ELMOD1: variants seen among roughly 807,000 people sequenced by gnomAD.
ELMOD1 encodes ELMO domain containing 1, also known as ELMO domain-containing protein 1.
A neutral mutation model predicts 46.7 loss-of-function variants in ELMOD1; 21 were observed. The ratio of observed to expected loss-of-function variants is 0.45; its 90% CI spans 0.32 to 0.65. The LOEUF (loss-of-function observed/expected upper bound fraction) is 0.65. Ranked by LOEUF, ELMOD1 falls within the 30% of genes least tolerant of loss-of-function variation. The pLI, the probability that ELMOD1 is intolerant of heterozygous loss-of-function variation, is 0.04. For synonymous variants in ELMOD1, 122 were observed against 138.2 expected (o/e 0.88, Z 0.82); for missense variants, 348 against 407.8 (o/e 0.85, Z 1.26).
intron 11 of ELMOD1, among the ~76,000 whole-genome samples, chr11:107,660,756 A>G (rs1034600116): frequency 6.6e-6 from 1 of 152,232 alleles, no homozygotes; most frequent in African/African-American, 2.4e-5. Context: ...TAAGAATGCA[A>G]TGAGATGGTG....
intron 6 of ELMOD1, among the ~76,000 whole-genome samples, chr11:107,640,368 A>G (rs2135699074): frequency 6.6e-6 from 1 of 152,364 alleles, no homozygotes; most frequent in South Asian, 2.1e-4. Context: ...TACCATTAAT[A>G]TAAATGCATA....
In ELMOD1 at chr11:107,631,648, GA is replaced by G. The variant is rs1238092647; in HGVS notation, c.268del (p.Ile90LeufsTer5). The G allele has an allele frequency of 3.9e-6, 6 of 1,554,524 alleles. No homozygotes were observed. Among genetic ancestry groups the G allele is most frequent in the Admixed American group, 3.9e-5 (2 of 51,596 alleles). On this transcript the variant is annotated frameshift_variant, in exon 5 of 12. Transcript: ENST00000265840. LOFTEE classifies it high-confidence loss of function. ...EKTIEDIMEL[K>X]KINPDVNPQL... The stretch of plus-strand genomic sequence containing the variant: ...AAACTATAGAAGATATCATGGAACT[GA>G]AAAAAATTAATCCTGACGTAAATCC...
chr11:107,605,245 G>C (rs1865666340), intron 1 of ELMOD1, among the ~76,000 whole-genome samples: 1 of 149,932 alleles, frequency 6.7e-6, no homozygotes, highest in Admixed American at 6.7e-5. Flanking sequence ...AGTGTCCCAG[G>C]CTGGAGTGCA....
intron 1 of ELMOD1, among the ~76,000 whole-genome samples, chr11:107,611,359 A>G (rs1865777115): frequency 6.6e-6 from 1 of 152,206 alleles, no homozygotes; most frequent in Non-Finnish European, 1.5e-5. Context: ...ACCAGCATCT[A>G]TAAGGAACTT....
intron 11 of ELMOD1, among the ~76,000 whole-genome samples, chr11:107,663,163 TG>T (rs1402877399): frequency 1.3e-5 from 2 of 152,128 alleles, no homozygotes; most frequent in Admixed American, 6.5e-5. Context: ...AGATGGCTTC[TG>T]GGGTGACTGA....
intron 11 of ELMOD1, among the ~76,000 whole-genome samples, chr11:107,663,848 C>G (rs114058993): frequency 2.4e-3 from 363 of 152,290 alleles, no homozygotes; most frequent in African/African-American, 8.4e-3. Context: ...TCCTCCCCTT[C>G]CCCATTTTCA....
At chr11:107,616,709 C>T (rs917779814) in intron 1 of ELMOD1, among the ~76,000 whole-genome samples, 10 of 151,644 alleles carry the variant, frequency 6.6e-5, no homozygotes, top group Admixed American at 2.0e-4. Context: ...AGAGTGGCTA[C>T]GTCAATTATT....
At chr11:107,593,893 C>T (rs1011039417) in intron 1 of ELMOD1, among the ~76,000 whole-genome samples, 7 of 152,146 alleles carry the variant, frequency 4.6e-5, no homozygotes, top group African/African-American at 1.7e-4. Flanking sequence ...GAGCAGAAAT[C>T]ATATGCTGTT....
intron 5 of ELMOD1, among the ~76,000 whole-genome samples, chr11:107,633,791 T>C (rs1205622297): frequency 6.6e-6 from 1 of 152,088 alleles, no homozygotes; most frequent in Non-Finnish European, 1.5e-5. Flanking sequence ...TTCTCCTCTT[T>C]CCCTCAAAAT....
rs74827393 is a variant in ELMOD1, at chr11:107,615,883, A to G, written c.-85-2222A>G. Among the ~76,000 whole-genome samples the G allele has an allele frequency of 3.0e-4, 45 of 149,328 alleles. No individual in the cohort carries two copies. The East Asian group carries it at 7.7e-3, about 25-fold the overall frequency. ...TATATGTTTGGGGGAGTAAAGTGCCATTTTCATCATATCAGGTCAAGGTTA... is the reference window on the plus strand; with the variant it reads ...TATATGTTTGGGGGAGTAAAGTGCCGTTTTCATCATATCAGGTCAAGGTTA... On this transcript the variant is annotated intron_variant, in intron 1 of 11. Transcript: ENST00000265840.
Position 107,665,321 on chromosome 11 carries a change from T to A in ELMOD1, c.*124T>A. Reference sequence around the variant, plus strand: ...ATTGTATGCATGCCTTTTGGTACAGTGTTTTCATCTCTTGGTCATAATTCC... The same window carrying A: ...ATTGTATGCATGCCTTTTGGTACAGAGTTTTCATCTCTTGGTCATAATTCC... On this transcript the variant is annotated 3_prime_UTR_variant, in exon 12 of 12. Coordinates refer to ENST00000265840, the MANE Select transcript of ELMOD1 (RefSeq NM_018712.4). 1 of 975,316 alleles carries A rather than the reference T, an allele frequency of 1.0e-6. No individual in the cohort carries two copies. The highest frequency in any genetic ancestry group is 1.5e-6 in the Non-Finnish European group (1 of 655,286). 60.4% of individuals were successfully genotyped at this position (975,316 alleles called of 1,614,324 possible).
chr11:107,657,218 G>A (rs575446625), intron 11 of ELMOD1, among the ~76,000 whole-genome samples: 23 of 152,218 alleles, frequency 1.5e-4, no homozygotes, highest in Non-Finnish European at 2.9e-4. Context: ...CAACAGCAAC[G>A]TTGTATTCTA....
chr11:107,591,767 G>A lies in ELMOD1; in HGVS notation c.-86+358G>A, dbSNP rs1028332553. On this transcript the variant is annotated intron_variant, in intron 1 of 11. Coordinates refer to ENST00000265840, the MANE Select transcript of ELMOD1 (RefSeq NM_018712.4). ...CCCAGACAGAGCCAAAATGGAAGGC[G>A]GGACAAGGGCGGCCTGGCTGGGGCG... is the stretch of plus-strand genomic sequence containing the variant. 4 of 451,714 alleles carry A rather than the reference G, an allele frequency of 8.9e-6. No individual in the cohort carries two copies. The Admixed American group carries it at 9.9e-5, about 11-fold the overall frequency. The allele number at this position is 451,714 out of a possible 1,614,324, so 28.0% of individuals were successfully genotyped here.
rs530668431 is a variant in ELMOD1 at position 107,624,091 on chromosome 11, A to G, written c.17+5885A>G. Among the ~76,000 whole-genome samples, 130 of 152,246 alleles carry G rather than the reference A, an allele frequency of 8.5e-4. No individual in the cohort carries two copies. The South Asian group carries it at 8.7e-3, about 10-fold the overall frequency. On this transcript the variant is annotated intron_variant, in intron 2 of 11. Coordinates refer to ENST00000265840, the MANE Select transcript of ELMOD1 (RefSeq NM_018712.4). The stretch of plus-strand genomic sequence containing the variant: ...GCAAATTTATAATAATAACAGGCCT[A>G]TTTCTTATCCCCTATAGAATATTTT...
At chr11:107,600,250 T>A (rs1865574426) in intron 1 of ELMOD1, 2 of 151,960 alleles carry the variant, frequency 1.3e-5, no homozygotes, top group Admixed American at 1.3e-4. Flanking sequence ...AAAATGACTT[T>A]ACAAAAATAT....
chr11:107,626,660 C>CTTTCCCTCTCTCTTTCTTTTTT (rs148641048), intron 2 of ELMOD1, among the ~76,000 whole-genome samples: 6 of 125,316 alleles, frequency 4.8e-5, no homozygotes, highest in Non-Finnish European at 9.3e-5. Context: ...CTTTCTTTTT[C>CTTTCCCTCTCTCTTTCTTTTTT]TTTCTTTCTT....
At chr11:107,629,966 TGAG>T (rs1866107516) in intron 2 of ELMOD1, among the ~76,000 whole-genome samples, 1 of 151,764 alleles carries the variant, frequency 6.6e-6, no homozygotes, top group Non-Finnish European at 1.5e-5. Context: ...TGGTCGAGGG[TGAG>T]GAGGACACTA....
rs142919758 is a variant in ELMOD1, at chr11:107,658,237, T to TG, written c.832+2176dup. ...GGCAGGAGACTGCTTTTTTTTGTTT[T>TG]GGGGGTTTTTTTGGTTTTTCGTTTT... On this transcript the variant is annotated intron_variant, in intron 11 of 11. Coordinates refer to ENST00000265840, the MANE Select transcript of ELMOD1 (RefSeq NM_018712.4). Among the ~76,000 whole-genome samples, 586 of 152,288 alleles carry TG rather than the reference T, an allele frequency of 3.8e-3. 4 individuals carry two copies. The highest frequency in any genetic ancestry group is 0.013 in the African/African-American group (556 of 41,568).
intron 1 of ELMOD1, among the ~76,000 whole-genome samples, chr11:107,596,229 T>C (rs1284710303): frequency 1.3e-5 from 2 of 152,082 alleles, no homozygotes; most frequent in African/African-American, 2.4e-5. Flanking sequence ...GGCTACCATA[T>C]GTTTTGAAGG....
Sources: allele counts gnomAD v4.1 joint callset (sites outside exome capture counted in the v4.1 genomes callset), GRCh38; gene constraint gnomAD v4.1.1; transcripts MANE v1.5; gene names NCBI Gene and HGNC (gene_info 2026-07-23, HGNC 2026-07-21).